The following TMEM161B variants were observed in gnomAD, a reference collection of about 807,000 sequenced individuals.
TMEM161B encodes the protein transmembrane protein 161B.
TMEM161B carries 34 observed loss-of-function variants against 61.8 expected under a neutral mutation model. The ratio of observed to expected loss-of-function variants is 0.55; its 90% CI spans 0.42 to 0.73. TMEM161B has a LOEUF of 0.73. Among genes scored for constraint, TMEM161B ranks in the 30% least tolerant of loss-of-function variants. The pLI is 0.00. For synonymous variants in TMEM161B, 167 were observed against 192.8 expected (o/e 0.87, Z 1.11); for missense variants, 456 against 558.5 (o/e 0.82, Z 1.85).
intron 4 of TMEM161B, chr5:88,221,788 A>C (rs1749035383): frequency 2.2e-6 from 1 of 455,896 alleles, no homozygotes; most frequent in African/African-American, 2.0e-5. Flanking sequence ...AATCATGTAC[A>C]TAACCATCAA....
At chr5:88,223,921 A>T (rs1292022224) in intron 4 of TMEM161B, among the ~76,000 whole-genome samples, 2 of 152,058 alleles carry the variant, frequency 1.3e-5, no homozygotes, top group Non-Finnish European at 2.9e-5. Flanking sequence ...AGTCTAAATC[A>T]TATTAGACAA....
chr5:88,268,688 C>T (rs892337570), intron 1 of TMEM161B, 33 bp downstream of exon 1: 3 of 1,613,964 alleles, frequency 1.9e-6, no homozygotes, highest in Non-Finnish European at 1.7e-6. Flanking sequence ...TTCGCCCCAC[C>T]GTTGTCACTC....
Position 88,197,672 on chromosome 5 carries a change from G to A in TMEM161B, c.1183C>T (p.Leu395=), listed in dbSNP as rs761819460. ...CTAGTTGCCAGGGCATGCCTACCTA[G>A]TGTTTTCAAAAGCAGAGTTGTGTGA... is the stretch of plus-strand genomic sequence containing the variant. ...LLHTTLLLKT[L]GNHSWGIYPE... Residue 395 remains leucine, a synonymous_variant, in exon 11 of 12, where the codon CTA becomes TTA. Transcript: ENST00000296595. 1 of 1,612,036 alleles carries A rather than the reference G, an allele frequency of 6.2e-7. No homozygotes were observed. The highest frequency in any genetic ancestry group is 1.1e-5 in the South Asian group (1 of 90,898).
intron 4 of TMEM161B, 25 bp from the exon 5 acceptor site, chr5:88,220,744 A>AAAAAAAAAAAC: frequency 6.6e-7 from 1 of 1,518,300 alleles, no homozygotes; most frequent in Non-Finnish European, 8.8e-7. Context: ...AAAAAAAAAA[A>AAAAAAAAAAAC]AAAAAAAGGT....
chr5:88,224,493 C>CTA (rs1429384042), intron 4 of TMEM161B, among the ~76,000 whole-genome samples: 8 of 151,956 alleles, frequency 5.3e-5, no homozygotes, highest in South Asian at 2.1e-4. Context: ...TACTACATTT[C>CTA]TATAATATAT....
intron 2 of TMEM161B, among the ~76,000 whole-genome samples, chr5:88,240,255 A>T (rs1752504589): frequency 6.6e-6 from 1 of 151,862 alleles, no homozygotes; most frequent in East Asian, 1.9e-4. Flanking sequence ...TAAAACTATG[A>T]ACTCCTAATA....
chr5:88,265,334 G>A (rs564491079), intron 1 of TMEM161B, among the ~76,000 whole-genome samples: 3 of 152,304 alleles, frequency 2.0e-5, no homozygotes, highest in South Asian at 2.1e-4. Context: ...ACACATTGTG[G>A]AGGCAGTGTG....
rs765780050 is a variant in TMEM161B at position 88,228,522 on chromosome 5, C to A, written c.114G>T (p.Arg38Ser). Residue 38 changes from arginine (R) to serine (S), a missense_variant, in exon 3 of 12, where the codon AGG becomes AGT. Around this residue, in one of 3 missense-constraint regions of TMEM161B, gnomAD observed 85 missense variants for 111.2 expected, o/e 0.76. Coordinates refer to ENST00000296595, the MANE Select transcript of TMEM161B (RefSeq NM_153354.5). ...CTTCTTCTGTAGGATGTTGATACCA[C>A]CTCAAACTAAGCAAAAAAAGAATTC... ...ARWLLCNGSL[R>S]WYQHPTEEEL... The A allele has an allele frequency of 1.9e-6, 3 of 1,591,740 alleles. No individual in the cohort carries two copies. Among genetic ancestry groups the A allele is most frequent in the Non-Finnish European group, 2.6e-6 (3 of 1,173,608 alleles).
At chr5:88,207,001 G>A in intron 6 of TMEM161B, 28 bp downstream of exon 6, 2 of 1,602,958 alleles carry the variant, frequency 1.2e-6, no homozygotes, top group South Asian at 2.2e-5. Flanking sequence ...AAGCAAAATT[G>A]ATTTTTAAAG....
intron 5 of TMEM161B, among the ~76,000 whole-genome samples, chr5:88,218,953 A>T (rs1336314757): frequency 8.3e-6 from 1 of 120,052 alleles, no homozygotes; most frequent in Admixed American, 8.8e-5. Flanking sequence ...GCAGACATAG[A>T]ATATCTTTAA....
chr5:88,236,371 C>G (rs1354949238), intron 2 of TMEM161B, among the ~76,000 whole-genome samples: 2 of 152,104 alleles, frequency 1.3e-5, no homozygotes, highest in Non-Finnish European at 2.9e-5. Context: ...GTATCCTACT[C>G]CTCATGCAAA....
At chr5:88,257,426 G>A (rs1200835950) in intron 1 of TMEM161B, among the ~76,000 whole-genome samples, 1 of 152,040 alleles carries the variant, frequency 6.6e-6, no homozygotes, top group Non-Finnish European at 1.5e-5. Context: ...CAAAAGCCAA[G>A]AAAATTTGTT....
At chr5:88,186,871 C>A (rs1033755812), downstream of TMEM161B, among the ~76,000 whole-genome samples, 2 of 152,044 alleles carry the variant, frequency 1.3e-5, no homozygotes, top group African/African-American at 4.8e-5. Flanking sequence ...CCACTGCACT[C>A]CAGCCTGGGC....
chr5:88,220,307 A>G (rs1472746018), intron 5 of TMEM161B, among the ~76,000 whole-genome samples: 1 of 152,110 alleles, frequency 6.6e-6, no homozygotes, highest in African/African-American at 2.4e-5. Context: ...CCCAAAAGAA[A>G]TGCCTAAAAG....
At chr5:88,261,122 T>C (rs1231926634) in intron 1 of TMEM161B, among the ~76,000 whole-genome samples, 1 of 152,156 alleles carries the variant, frequency 6.6e-6, no homozygotes, top group Non-Finnish European at 1.5e-5. Context: ...CACTTTCCTA[T>C]ATATTAGCAA....
intron 2 of TMEM161B, among the ~76,000 whole-genome samples, chr5:88,237,822 T>C (rs1027466524): frequency 1.3e-5 from 2 of 152,128 alleles, no homozygotes; most frequent in African/African-American, 2.4e-5. Flanking sequence ...TTTTTTAATA[T>C]TAAAAATCAA....
At chr5:88,236,631 T>C (rs922028560) in intron 2 of TMEM161B, among the ~76,000 whole-genome samples, 2 of 152,204 alleles carry the variant, frequency 1.3e-5, no homozygotes, top group African/African-American at 4.8e-5. Flanking sequence ...AGGATTTTTG[T>C]TCCCTTTTAG....
chr5:88,255,769 T>G (rs1045947444), intron 1 of TMEM161B, among the ~76,000 whole-genome samples: 1 of 152,092 alleles, frequency 6.6e-6, no homozygotes, highest in Non-Finnish European at 1.5e-5. Context: ...AACAAGAAAT[T>G]TAATGTCCTT....
At chr5:88,212,559 G>A (rs1043069930) in intron 5 of TMEM161B, among the ~76,000 whole-genome samples, 2 of 152,130 alleles carry the variant, frequency 1.3e-5, no homozygotes, top group African/African-American at 2.4e-5. Context: ...TGGGTCCAGC[G>A]GCTCACACCT....
Sources: allele counts gnomAD v4.1 joint callset (sites outside exome capture counted in the v4.1 genomes callset), GRCh38; gene constraint gnomAD v4.1.1; regional missense constraint gnomAD v4.1.1; transcripts MANE v1.5; gene names NCBI Gene and HGNC (gene_info 2026-07-23, HGNC 2026-07-21).